Variants in STARD13 observed in about 807,000 individuals in gnomAD.
STARD13 encodes StAR related lipid transfer domain containing 13, also known as stAR-related lipid transfer protein 13.
STARD13 carries 62 observed loss-of-function variants against 106.4 expected under a neutral mutation model. The observed-to-expected ratio is 0.58, with a 90% CI of 0.48 to 0.72. STARD13 has a LOEUF of 0.72. STARD13 is among the 30% of genes least tolerant of loss of function. The pLI, the probability that STARD13 is intolerant of heterozygous loss-of-function variation, is 0.00. For synonymous variants in STARD13, 565 were observed against 553.0 expected, an observed-to-expected ratio of 1.02 and a Z score of -0.31; for missense variants, 1,387 against 1,424.0, an observed-to-expected ratio of 0.97 and a Z score of 0.42.
intron 1 of STARD13, chr13:33,186,115 A>C: frequency 6.7e-7 from 1 of 1,484,724 alleles, no homozygotes. Context: ...ACTGCTCCCC[A>C]GTGACCTGCG....
At chr13:33,649,544 G>A in the STARD13 span, among the ~76,000 whole-genome samples, 2,281 of 152,202 alleles carry the variant, frequency 0.015, 24 homozygotes, top group Non-Finnish European at 0.022. Context: ...CATCATAAAG[G>A]GATCTTGTCA....
intron 1 of STARD13, among the ~76,000 whole-genome samples, chr13:33,317,004 G>C (rs1324005515): frequency 1.3e-5 from 2 of 152,050 alleles, no homozygotes; most frequent in Admixed American, 1.3e-4. Flanking sequence ...GGGATATCAG[G>C]CTTTCCTGAT....
Position 33,267,606 on chromosome 13 carries a change from T to TGTGA in STARD13, c.169+17860_169+17863dup, listed in dbSNP as rs551456735. Among the ~76,000 whole-genome samples, 142 of 152,224 alleles carry TGTGA rather than the reference T, an allele frequency of 9.3e-4. 1 individual carries two copies. The highest frequency in any genetic ancestry group is 3.3e-3 in the African/African-American group (135 of 41,528). ...AGAGTAGCTACTTTACAAACAATCT[T>TGTGA]GTGAGTGAGTGAGTGAGTGAATGGA... On this transcript the variant is annotated intron_variant, in intron 1 of 13. Transcript: ENST00000336934.
chr13:33,457,870 G>A, the STARD13 span, among the ~76,000 whole-genome samples: 105 of 152,268 alleles, frequency 6.9e-4, no homozygotes, highest in Non-Finnish European at 1.2e-3. Flanking sequence ...TATGAATTTT[G>A]AGGGTAACAT....
the STARD13 span, among the ~76,000 whole-genome samples, chr13:33,563,231 T>C: frequency 3.4e-5 from 5 of 146,766 alleles, 1 homozygote; most frequent in Admixed American, 7.0e-5. Flanking sequence ...AAAAAAATCA[T>C]AAAATGTATA....
chr13:33,155,978 G>A (rs1055923580), intron 3 of STARD13, among the ~76,000 whole-genome samples: 2 of 152,160 alleles, frequency 1.3e-5, no homozygotes, highest in Non-Finnish European at 2.9e-5. Context: ...CAGGGTAAAT[G>A]CAAGATATAC....
the STARD13 span, among the ~76,000 whole-genome samples, chr13:33,462,311 T>C: frequency 2.0e-5 from 3 of 152,216 alleles, no homozygotes; most frequent in Non-Finnish European, 2.9e-5. Context: ...CTTTGAAATA[T>C]TTACTTTCTG....
chr13:33,580,278 GA>G, the STARD13 span, among the ~76,000 whole-genome samples: 4 of 151,874 alleles, frequency 2.6e-5, no homozygotes, highest in East Asian at 1.9e-4. Flanking sequence ...ACTGCCGAGT[GA>G]AAAAAAGGGG....
the STARD13 span, among the ~76,000 whole-genome samples, chr13:33,609,147 CTAT>C: frequency 7.0e-6 from 1 of 143,120 alleles, no homozygotes; most frequent in Non-Finnish European, 1.5e-5. Flanking sequence ...TAAATTTTAA[CTAT>C]ATTAAAATTT....
At chr13:33,542,780 T>A in the STARD13 span, among the ~76,000 whole-genome samples, 2 of 152,106 alleles carry the variant, frequency 1.3e-5, no homozygotes, top group African/African-American at 4.8e-5. Flanking sequence ...CGGTGACGCC[T>A]CTTCCCGTCT....
chr13:33,341,391 C>T (rs1482902276), intron 1 of STARD13, among the ~76,000 whole-genome samples: 2 of 152,102 alleles, frequency 1.3e-5, no homozygotes, highest in African/African-American at 4.8e-5. Flanking sequence ...GTAATCCCAG[C>T]ACTTTGAGAG....
intron 11 of STARD13, 115 bp downstream of exon 11, chr13:33,110,571 G>T: frequency 3.6e-6 from 3 of 837,432 alleles, no homozygotes; most frequent in Admixed American, 1.9e-5. Flanking sequence ...TGCCTTAACT[G>T]TCCGCGTGTG....
the STARD13 span, among the ~76,000 whole-genome samples, chr13:33,420,380 G>A: frequency 6.6e-6 from 1 of 152,160 alleles, no homozygotes; most frequent in South Asian, 2.1e-4. Context: ...AATGGTAAAA[G>A]ATCAATTCAA....
the STARD13 span, among the ~76,000 whole-genome samples, chr13:33,659,148 C>T: frequency 6.6e-6 from 1 of 151,488 alleles, no homozygotes; most frequent in African/African-American, 2.4e-5. Context: ...TAATGTAACA[C>T]GAAAAGGTGG....
At chr13:33,431,285 C>T in the STARD13 span, among the ~76,000 whole-genome samples, 2 of 151,710 alleles carry the variant, frequency 1.3e-5, no homozygotes, top group Admixed American at 1.3e-4. Context: ...AAAATACACC[C>T]CAGATTTTTA....
At chr13:33,317,111 T>C (rs1049068700) in intron 1 of STARD13, among the ~76,000 whole-genome samples, 6 of 152,152 alleles carry the variant, frequency 3.9e-5, no homozygotes, top group Non-Finnish European at 8.8e-5. Context: ...CTCTCTTCTC[T>C]GTATATACTC....
the STARD13 span, among the ~76,000 whole-genome samples, chr13:33,432,881 T>TA: frequency 2.0e-5 from 3 of 152,138 alleles, no homozygotes; most frequent in Non-Finnish European, 4.4e-5. Context: ...CTATAGAATC[T>TA]AAAAAAATGA....
chr13:33,383,977 G>A, the STARD13 span, among the ~76,000 whole-genome samples: 12 of 152,130 alleles, frequency 7.9e-5, no homozygotes, highest in South Asian at 2.3e-3. Flanking sequence ...CACCAGGTTC[G>A]ATTATTAATT....
chr13:33,289,538 A>G (rs1427918341), upstream of STARD13, among the ~76,000 whole-genome samples: 2 of 152,126 alleles, frequency 1.3e-5, no homozygotes, highest in South Asian at 2.1e-4. Context: ...AGCTGATGCT[A>G]TTTTCACTCT....
Sources: gnomAD v4.1 joint callset for allele counts (sites outside exome capture counted in the v4.1 genomes callset) on GRCh38, gnomAD v4.1.1 for gene constraint, MANE v1.5 for transcripts, NCBI Gene and HGNC (gene_info 2026-07-23, HGNC 2026-07-21) for gene names.